SAE1: variants seen among roughly 807,000 people sequenced by gnomAD.
The protein encoded by SAE1 is SUMO1 activating enzyme subunit 1.
Under a neutral mutation model 40.6 loss-of-function variants are expected in SAE1, and 11 were observed. The observed-to-expected ratio is 0.27, with a 90% confidence interval of 0.17 to 0.45. The LOEUF (loss-of-function observed/expected upper bound fraction) is 0.45, where lower values mean the gene tolerates loss of function less well. Among genes scored for constraint, SAE1 ranks in the 20% least tolerant of loss-of-function variants. The pLI is 1.00. For synonymous variants in SAE1, 155 were observed against 154.3 expected, an observed-to-expected ratio of 1.00 and a Z score of -0.03; for missense variants, 373 against 427.3, an observed-to-expected ratio of 0.87 and a Z score of 1.12.
At chr19:47,159,595 C>T (rs1007938007) in intron 5 of SAE1, among the ~76,000 whole-genome samples, 6 of 151,750 alleles carry the variant, frequency 4.0e-5, no homozygotes, top group Non-Finnish European at 7.4e-5. Context: ...TACTCTGTCA[C>T]CTAGGCTGAA....
chr19:47,158,727 G>T (rs2058339079), intron 5 of SAE1, among the ~76,000 whole-genome samples: 1 of 152,196 alleles, frequency 6.6e-6, no homozygotes, highest in South Asian at 2.1e-4. Context: ...TGAGTGCAGG[G>T]AATCACATCC....
chr19:47,181,813 A>ATT (rs985920836), intron 6 of SAE1, among the ~76,000 whole-genome samples: 1 of 100,294 alleles, frequency 1.0e-5, no homozygotes. Flanking sequence ...ATTTTACAGA[A>ATT]TTTTTTTTTT....
intron 1 of SAE1, 66 bp downstream of exon 1, chr19:47,131,094 G>A: frequency 6.8e-7 from 1 of 1,460,962 alleles, no homozygotes; most frequent in Admixed American, 2.9e-5. Flanking sequence ...GGCGTTTGCG[G>A]CCCGGAAGGA....
At chr19:47,150,999 A>G (rs941539555) in intron 3 of SAE1, among the ~76,000 whole-genome samples, 8 of 152,224 alleles carry the variant, frequency 5.3e-5, no homozygotes, top group African/African-American at 1.9e-4. Context: ...AATATCTGCA[A>G]CCTTTCAGAC....
intron 7 of SAE1, among the ~76,000 whole-genome samples, chr19:47,200,388 A>G (rs1351657433): frequency 4.2e-5 from 6 of 144,456 alleles, no homozygotes; most frequent in Non-Finnish European, 9.0e-5. Flanking sequence ...GTGTACTACC[A>G]AGCCTGCCTA....
intron 6 of SAE1, among the ~76,000 whole-genome samples, chr19:47,181,074 T>G (rs1433651002): frequency 6.6e-6 from 1 of 152,076 alleles, no homozygotes; most frequent in Non-Finnish European, 1.5e-5. Flanking sequence ...CCCAGCACTT[T>G]GGGAAGCCGA....
At chr19:47,180,860 A>G (rs1311613207) in intron 6 of SAE1, among the ~76,000 whole-genome samples, 1 of 152,164 alleles carries the variant, frequency 6.6e-6, no homozygotes. Flanking sequence ...ATAGAGAGAC[A>G]TTGGAGAACC....
At chr19:47,190,386 A>G (rs1490153694) in intron 6 of SAE1, among the ~76,000 whole-genome samples, 2 of 152,210 alleles carry the variant, frequency 1.3e-5, no homozygotes, top group Non-Finnish European at 2.9e-5. Context: ...GGAAAGCAGA[A>G]CAAAGGAGAA....
In SAE1 at chr19:47,209,146, T is replaced by C; in HGVS notation, c.949-13T>C. On this transcript the variant is annotated splice_polypyrimidine_tract_variant and intron_variant, in intron 8 of 8. Transcript: ENST00000270225. ...GCACTTGAGCTAAACCCTCTTTTCA[T>C]TTTTCTCCCCAGGCCCTGTCTCAGC... is the stretch of plus-strand genomic sequence containing the variant. The C allele has an allele frequency of 3.1e-6, 5 of 1,612,280 alleles. No individual in the cohort carries two copies. Among genetic ancestry groups the C allele is most frequent in the Non-Finnish European group, 4.2e-6 (5 of 1,178,904 alleles).
intron 8 of SAE1, among the ~76,000 whole-genome samples, chr19:47,204,303 T>C (rs1251600069): frequency 2.0e-5 from 3 of 146,566 alleles, no homozygotes; most frequent in Non-Finnish European, 4.5e-5. Flanking sequence ...GTTCACGCCA[T>C]TCTCCTACCT....
intron 1 of SAE1, among the ~76,000 whole-genome samples, chr19:47,133,148 G>A (rs2058157401): frequency 6.6e-6 from 1 of 152,198 alleles, no homozygotes; most frequent in Non-Finnish European, 1.5e-5. Context: ...AATGATTTGA[G>A]GAGTAGCTTT....
intron 6 of SAE1, among the ~76,000 whole-genome samples, chr19:47,195,814 A>C (rs1168051973): frequency 5.4e-5 from 7 of 130,280 alleles, no homozygotes; most frequent in Non-Finnish European, 9.3e-5. Context: ...CTGCTCATGT[A>C]GCCTTGACCT....
At chr19:47,152,779 A>T (rs1369609138) in intron 3 of SAE1, 119 bp from the exon 4 acceptor site, 2 of 928,716 alleles carry the variant, frequency 2.2e-6, no homozygotes, top group African/African-American at 1.7e-5. Context: ...CTGTTGTACC[A>T]GTTTGAAACA....
At chr19:47,158,449 A>G (rs577699660) in intron 5 of SAE1, among the ~76,000 whole-genome samples, 11 of 152,334 alleles carry the variant, frequency 7.2e-5, no homozygotes, top group South Asian at 2.1e-4. Flanking sequence ...CAAGCCTCAC[A>G]TGGACACTGA....
chr19:47,139,017 A>G (rs745415804), intron 1 of SAE1, among the ~76,000 whole-genome samples: 9 of 152,172 alleles, frequency 5.9e-5, no homozygotes, highest in Non-Finnish European at 8.8e-5. Flanking sequence ...ACTAATGCCA[A>G]GGTCCTAAGG....
intron 1 of SAE1, among the ~76,000 whole-genome samples, chr19:47,136,165 G>T (rs1304808028): frequency 6.6e-6 from 1 of 152,014 alleles, no homozygotes; most frequent in African/African-American, 2.4e-5. Context: ...TTGAGACCGA[G>T]CCTCGCTCTG....
chr19:47,185,058 G>A (rs2058535700), intron 6 of SAE1, among the ~76,000 whole-genome samples: 2 of 151,574 alleles, frequency 1.3e-5, no homozygotes, highest in Non-Finnish European at 1.5e-5. Context: ...GACCTCGGGT[G>A]ATCCACCCGC....
At chr19:47,147,981 C>G (rs1352641652) in intron 2 of SAE1, among the ~76,000 whole-genome samples, 1 of 151,716 alleles carries the variant, frequency 6.6e-6, no homozygotes, top group Non-Finnish European at 1.5e-5. Context: ...AGGATGGTCT[C>G]GATCTCCTGA....
chr19:47,159,453 C>A (rs148547386), intron 5 of SAE1, among the ~76,000 whole-genome samples: 78 of 152,236 alleles, frequency 5.1e-4, no homozygotes, highest in African/African-American at 1.9e-3. Flanking sequence ...ACTCCTAGTC[C>A]AGTGTGTAGC....
Sources: gnomAD v4.1 joint callset for allele counts (sites outside exome capture counted in the v4.1 genomes callset) on GRCh38, gnomAD v4.1.1 for gene constraint, MANE v1.5 for transcripts, NCBI Gene and HGNC (gene_info 2026-07-23, HGNC 2026-07-21) for gene names.